ATCAY: variants seen among roughly 807,000 people sequenced by gnomAD.
The protein encoded by ATCAY is caytaxin.
Under a neutral mutation model 47.7 loss-of-function variants are expected in ATCAY, and 22 were observed. The ratio of observed to expected loss-of-function variants is 0.46; its 90% CI spans 0.33 to 0.66. The LOEUF (loss-of-function observed/expected upper bound fraction) is 0.66, where lower values mean the gene tolerates loss of function less well. Among genes scored for constraint, ATCAY ranks in the 30% least tolerant of loss-of-function variants. The probability of loss-of-function intolerance (pLI) is 0.02; values close to 1 mark genes in which losing one functional copy is unlikely to be tolerated. For missense variants in ATCAY, 452 were observed against 515.0 expected, an observed-to-expected ratio of 0.88 and a Z score of 1.18; for synonymous variants, 216 against 207.6, an observed-to-expected ratio of 1.04 and a Z score of -0.35.
rs963727199 is a variant in ATCAY at position 3,926,924 on chromosome 19, C to T, written c.*2332C>T. The T allele has an allele frequency of 6.6e-6, 1 of 152,218 alleles. No individual in the cohort carries two copies. Among genetic ancestry groups the T allele is most frequent in the Non-Finnish European group, 1.5e-5 (1 of 68,064 alleles). The allele number at this position is 152,218 out of a possible 1,614,324, so 9.4% of individuals were successfully genotyped here. A position where few individuals can be genotyped will look rare whatever the true frequency, so the allele number is the denominator to read the frequency against. ...AATGGTGTCGCTGCCAAAGCCAACA[C>T]AAGATGACAAAAGTGGCTGGGTACG... is the stretch of plus-strand genomic sequence containing the variant. On this transcript the variant is annotated 3_prime_UTR_variant, in exon 13 of 13. Transcript: ENST00000450849.
chr19:3,913,421 C>A (rs976031683), intron 8 of ATCAY, among the ~76,000 whole-genome samples: 4 of 152,184 alleles, frequency 2.6e-5, no homozygotes, highest in Non-Finnish European at 5.9e-5. Context: ...CACAGAGGAG[C>A]AACTTTTAGA....
rs1200192802 is a variant in ATCAY at position 3,907,125 on chromosome 19, C to G, written c.359-609C>G. Among the ~76,000 whole-genome samples the G allele has an allele frequency of 7.2e-6, 1 of 138,536 alleles. No homozygotes were observed. Among genetic ancestry groups the G allele is most frequent in the Non-Finnish European group, 1.6e-5 (1 of 63,616 alleles). The allele number at this position is 138,536 out of a possible 152,430, so 90.9% of individuals were successfully genotyped here. A position where few individuals can be genotyped will look rare whatever the true frequency, so the allele number is the denominator to read the frequency against. On this transcript the variant is annotated intron_variant, in intron 4 of 12. Transcript: ENST00000450849. The surrounding 1 kb of genome is among the most constrained non-coding windows in gnomAD (Gnocchi z 5.1). ...CTCCAGCCTGGGCGATGGAACAAGACTCTCTCAAAAAAAAAAAAGAAAGAA... is the reference window on the plus strand; with the variant it reads ...CTCCAGCCTGGGCGATGGAACAAGAGTCTCTCAAAAAAAAAAAAGAAAGAA...
In ATCAY at chr19:3,924,588, C is replaced by T. The variant is rs756334577; in HGVS notation, c.1112C>T (p.Ser371Phe). The change falls in exon 13 of 13, where the codon TCC becomes TTC. Residue 371 changes from serine (S) to phenylalanine (F), a missense_variant. Coordinates refer to ENST00000450849, the MANE Select transcript of ATCAY (RefSeq NM_033064.5). Reference sequence around the variant, plus strand: ...CTGTGTCTTTCCCTCCCTAGCATGTCCTGAGGCGACGTGAGCATAACAAAG... The same window carrying T: ...CTGTGTCTTTCCCTCCCTAGCATGTTCTGAGGCGACGTGAGCATAACAAAG... Reference protein sequence around the residue: ...LVSEDQETSMS With the variant: ...LVSEDQETSMF 1.9e-6 allele frequency: 3 copies of T among 1,613,762 alleles called. No individual in the cohort carries two copies. The highest frequency in any genetic ancestry group is 1.7e-6 in the Non-Finnish European group (2 of 1,179,798).
In ATCAY at chr19:3,893,201, A is replaced by T. The variant is rs541488643; in HGVS notation, c.77+7357A>T. ...TTTTTTTTTTTTTTTTGAGACGGAG[A>T]CTTGCTCTGTCGCCCAGGCTGGAGT... On this transcript the variant is annotated intron_variant, in intron 2 of 12. Coordinates refer to ENST00000450849, the MANE Select transcript of ATCAY (RefSeq NM_033064.5). 2.1e-3 allele frequency among the ~76,000 whole-genome samples: 275 copies of T among 130,480 alleles called. 1 individual carries two copies. The highest frequency in any genetic ancestry group is 6.4e-3 in the South Asian group (27 of 4,210). The allele number at this position is 130,480 out of a possible 152,430, so 85.6% of individuals were successfully genotyped here. A position where few individuals can be genotyped will look rare whatever the true frequency, so the allele number is the denominator to read the frequency against.
chr19:3,916,300 T>C (rs1045900127), intron 9 of ATCAY, among the ~76,000 whole-genome samples: 1 of 152,204 alleles, frequency 6.6e-6, no homozygotes, highest in Non-Finnish European at 1.5e-5. Context: ...TGTCCATCAA[T>C]GGACAATTGG....
At chr19:3,905,962 G>A (rs1450483422) in intron 4 of ATCAY, among the ~76,000 whole-genome samples, 1 of 152,058 alleles carries the variant, frequency 6.6e-6, no homozygotes, top group Non-Finnish European at 1.5e-5. Flanking sequence ...CACGAGGTCA[G>A]GAGATCGAGA....
chr19:3,920,873 TAGA>T, intron 12 of ATCAY, 75 bp downstream of exon 12: 2 of 1,556,552 alleles, frequency 1.3e-6, no homozygotes, highest in Non-Finnish European at 1.8e-6. Flanking sequence ...CAGGGTTCTC[TAGA>T]AGGACAGAAA....
At chr19:3,911,720 A>C (rs2038924105) in intron 8 of ATCAY, among the ~76,000 whole-genome samples, 1 of 152,150 alleles carries the variant, frequency 6.6e-6, no homozygotes. Flanking sequence ...ATGTCATGCA[A>C]ATTTAATTTA....
Position 3,919,000 on chromosome 19 carries a change from G to A in ATCAY, c.1073+123G>A, listed in dbSNP as rs372039511. ...GGACAGAAAATGGAACTAAGTGGCC[G>A]GCCATGGTGGCTCACGCCTGTAATC... On this transcript the variant is annotated intron_variant, in intron 11 of 12. Transcript: ENST00000450849. 283 of 1,172,562 alleles carry A rather than the reference G, an allele frequency of 2.4e-4. 3 individuals are homozygous for A. The East Asian group carries it at 5.8e-3, about 24-fold the overall frequency. 72.6% of individuals were successfully genotyped at this position (1,172,562 alleles called of 1,614,324 possible). A position where few individuals can be genotyped will look rare whatever the true frequency, so the allele number is the denominator to read the frequency against.
At chr19:3,892,648 T>C (rs1216224986) in intron 2 of ATCAY, among the ~76,000 whole-genome samples, 1 of 152,200 alleles carries the variant, frequency 6.6e-6, no homozygotes, top group Non-Finnish European at 1.5e-5. Flanking sequence ...GACTCACATC[T>C]GTAATCCCAG....
rs2038942994 is a variant in ATCAY, at chr19:3,913,845, C to T, written c.954C>T (p.Asp318=). The T allele has an allele frequency of 6.2e-7, 1 of 1,613,364 alleles. No homozygotes were observed. Among genetic ancestry groups the T allele is most frequent in the East Asian group, 2.2e-5 (1 of 44,876 alleles). ...CTATGGAACACGTCCAGATCCCAGA[C>T]TGCGTCCTGCAGTGAGTGGCCCCAC... ...LIPMEHVQIP[D]CVLQYEEERL... is the part of the protein sequence containing the mutation. Residue 318 remains aspartate (D), a synonymous_variant, in exon 9 of 13, where the codon GAC becomes GAT. Coordinates refer to ENST00000450849, the MANE Select transcript of ATCAY (RefSeq NM_033064.5).
chr19:3,912,996 C>CA (rs1480993324), intron 8 of ATCAY, among the ~76,000 whole-genome samples: 1 of 151,656 alleles, frequency 6.6e-6, no homozygotes, highest in Admixed American at 6.6e-5. Context: ...CCCTGAAAAA[C>CA]AGAGAATTGG....
chr19:3,906,634 T>G (rs959110941), intron 4 of ATCAY, among the ~76,000 whole-genome samples: 2 of 151,978 alleles, frequency 1.3e-5, no homozygotes, highest in Non-Finnish European at 2.9e-5. Context: ...ATTTTTCTTG[T>G]GGGCTTGTGA....
At chr19:3,886,132 C>T (rs187888755) in intron 2 of ATCAY, among the ~76,000 whole-genome samples, 1 of 152,160 alleles carries the variant, frequency 6.6e-6, no homozygotes, top group Non-Finnish European at 1.5e-5. Context: ...AAGGACCCCC[C>T]ACCCCTACAC....
rs367719696 is a variant in ATCAY at position 3,907,698 on chromosome 19, C to G, written c.359-36C>G. On this transcript the variant is annotated intron_variant, in intron 4 of 12. Transcript: ENST00000450849. This position sits in a 1 kb window ranked among gnomAD's most constrained non-coding sequence, Gnocchi z 5.1. ...CAGGAGGGCAGGAGATATCCGGACT[C>G]TGGCGTCCATGCGACTCTCCGCCAC... The G allele has an allele frequency of 6.2e-7, 1 of 1,611,112 alleles. No homozygotes were observed. The highest frequency in any genetic ancestry group is 1.3e-5 in the African/African-American group (1 of 74,922).
rs117694122 is a variant in ATCAY, at chr19:3,913,553, C to T, written c.867-205C>T. On this transcript the variant is annotated intron_variant, in intron 8 of 12. Coordinates refer to ENST00000450849, the MANE Select transcript of ATCAY (RefSeq NM_033064.5). ...ATGGCCCTGCTTGCAAGGGCCTCGG[C>T]GCAGACCCGGGGTCTCCACTCCATG... Among the ~76,000 whole-genome samples, 152 of 152,198 alleles carry T rather than the reference C, an allele frequency of 1.0e-3. 4 individuals are homozygous for T. The East Asian group carries it at 0.026, about 26-fold the overall frequency.
intron 1 of ATCAY, among the ~76,000 whole-genome samples, chr19:3,885,353 A>T (rs1243026872): frequency 2.6e-5 from 4 of 151,958 alleles, no homozygotes; most frequent in Admixed American, 2.6e-4. Flanking sequence ...CAGGAGTTCG[A>T]GACCAGCCTG....
At chr19:3,890,931 C>G (rs1461171568) in intron 2 of ATCAY, among the ~76,000 whole-genome samples, 1 of 152,200 alleles carries the variant, frequency 6.6e-6, no homozygotes, top group Non-Finnish European at 1.5e-5. Context: ...TGCCGCAAAA[C>G]AGCTCACAAT....
chr19:3,893,504 C>A (rs1236918606), intron 2 of ATCAY: 1 of 152,178 alleles, frequency 6.6e-6, no homozygotes, highest in Non-Finnish European at 1.5e-5. Flanking sequence ...ACCTGGATTG[C>A]CCATCATGGA....
Sources: allele counts gnomAD v4.1 joint callset (sites outside exome capture counted in the v4.1 genomes callset), GRCh38; gene constraint gnomAD v4.1.1; non-coding constraint Gnocchi (gnomAD v3.1); transcripts MANE v1.5; gene names NCBI Gene and HGNC (gene_info 2026-07-23, HGNC 2026-07-21).